FOXO1: variants seen among roughly 807,000 people sequenced by gnomAD.
The protein encoded by FOXO1 is forkhead box protein O1.
Under a neutral mutation model 44.1 loss-of-function variants are expected in FOXO1, and 6 were observed. The ratio of observed to expected loss-of-function variants is 0.14; its 90% CI spans 0.07 to 0.27. The LOEUF (loss-of-function observed/expected upper bound fraction) is 0.27. FOXO1 is among the 10% of genes least tolerant of loss of function. The pLI is 1.00. For synonymous variants in FOXO1, 380 were observed against 362.7 expected (o/e 1.05, Z -0.54); for missense variants, 737 against 888.8 (o/e 0.83, Z 2.17).
rs2137950799 is a variant in FOXO1 at position 40,666,010 on chromosome 13, G to A, written c.203C>T (p.Ala68Val). ...CAAGCTCAGGTTGCTCATGAAGTCG[G>A]CGCTGACAGCGGCAGCCGAGGCCGA... ...LPSASAAAVS[A>V]DFMSNLSLLE... The change falls in exon 1 of 3, where the codon GCC (alanine) becomes GTC (valine). Residue 68 changes from alanine (A) to valine (V), a missense_variant. Physicochemically the swap from Ala to Val is moderately conservative, Grantham distance 64 (BLOSUM62 0). This residue lies in a region of FOXO1 where 213 missense variants were observed against 236.4 expected (regional missense o/e 0.90). Coordinates refer to ENST00000379561, the MANE Select transcript of FOXO1 (RefSeq NM_002015.4). 2 of 1,270,522 alleles carry A rather than the reference G, an allele frequency of 1.6e-6. No homozygotes were observed. Among genetic ancestry groups the A allele is most frequent in the Admixed American group, 4.2e-5 (1 of 23,600 alleles). The allele number at this position is 1,270,522 out of a possible 1,614,324, so 78.7% of individuals were successfully genotyped here. A position where few individuals can be genotyped will look rare whatever the true frequency, so the allele number is the denominator to read the frequency against.
chr13:40,647,063 T>C (rs1877534608), intron 1 of FOXO1, among the ~76,000 whole-genome samples: 1 of 152,222 alleles, frequency 6.6e-6, no homozygotes. Flanking sequence ...AGCTGTCCTT[T>C]TGTAAAAGAA....
chr13:40,648,668 G>C (rs1338560547), intron 1 of FOXO1, among the ~76,000 whole-genome samples: 1 of 152,072 alleles, frequency 6.6e-6, no homozygotes, highest in East Asian at 1.9e-4. Flanking sequence ...ACAAAACAAG[G>C]GAATTCCACC....
At chr13:40,570,316 AAAAAT>A (rs1336895449) in intron 1 of FOXO1, among the ~76,000 whole-genome samples, 1 of 151,964 alleles carries the variant, frequency 6.6e-6, no homozygotes, top group African/African-American at 2.4e-5. Context: ...CTCCAAAAAA[AAAAAT>A]AAAATAAAAT....
intron 1 of FOXO1, among the ~76,000 whole-genome samples, chr13:40,630,058 T>C (rs949375716): frequency 7.9e-5 from 12 of 152,174 alleles, no homozygotes; most frequent in African/African-American, 2.9e-4. Flanking sequence ...TTCAAAAAAA[T>C]TGATAGTATT....
intron 1 of FOXO1, among the ~76,000 whole-genome samples, chr13:40,598,902 C>T (rs1180405245): frequency 6.6e-6 from 1 of 152,158 alleles, no homozygotes; most frequent in Admixed American, 6.5e-5. Flanking sequence ...GAAAGTCTTC[C>T]TTAGTCATAT....
intron 1 of FOXO1, among the ~76,000 whole-genome samples, chr13:40,642,021 C>T (rs966825344): frequency 6.6e-6 from 1 of 152,118 alleles, no homozygotes; most frequent in Non-Finnish European, 1.5e-5. Flanking sequence ...ACATTGGCAT[C>T]TTGAGTCCAT....
chr13:40,576,459 G>A (rs113542672), intron 1 of FOXO1, among the ~76,000 whole-genome samples: 1,796 of 152,270 alleles, frequency 0.012, 45 homozygotes, highest in African/African-American at 0.04. Context: ...ATCCACAAAT[G>A]TAACTGTGAG....
At chr13:40,575,558 A>T (rs1463733217) in intron 1 of FOXO1, among the ~76,000 whole-genome samples, 2 of 152,216 alleles carry the variant, frequency 1.3e-5, no homozygotes, top group African/African-American at 4.8e-5. Context: ...GGCCTACCTA[A>T]TGTAAAGTAT....
chr13:40,624,409 G>C (rs1442939487), intron 1 of FOXO1, among the ~76,000 whole-genome samples: 2 of 148,110 alleles, frequency 1.4e-5, no homozygotes, highest in African/African-American at 5.0e-5. Context: ...AACTTACCCA[G>C]AAATTGCAGC....
At chr13:40,612,400 C>T (rs991080652) in intron 1 of FOXO1, among the ~76,000 whole-genome samples, 1 of 152,202 alleles carries the variant, frequency 6.6e-6, no homozygotes, top group Non-Finnish European at 1.5e-5. Flanking sequence ...AAAAATGTTA[C>T]AGGGTCTCCA....
intron 1 of FOXO1, among the ~76,000 whole-genome samples, chr13:40,600,401 CACAT>C (rs1306082154): frequency 6.6e-6 from 1 of 152,128 alleles, no homozygotes; most frequent in African/African-American, 2.4e-5. Context: ...GGGGGGCACT[CACAT>C]AGATTAGTAA....
chr13:40,596,398 T>C lies in FOXO1; in HGVS notation c.631-35538A>G, dbSNP rs180936016. ...GTGAAGATGTAAGCTTTCTGAAGAC[T>C]ACCTTGCATACAGCCTTTGTGGGCT... On this transcript the variant is annotated intron_variant, in intron 1 of 2. Coordinates refer to ENST00000379561, the MANE Select transcript of FOXO1 (RefSeq NM_002015.4). Among the ~76,000 whole-genome samples the C allele has an allele frequency of 1.3e-3, 201 of 152,350 alleles. 2 individuals are homozygous for C. The highest frequency in any genetic ancestry group is 4.6e-3 in the African/African-American group (193 of 41,592).
chr13:40,655,927 G>A (rs1480840075), intron 1 of FOXO1, among the ~76,000 whole-genome samples: 7 of 152,062 alleles, frequency 4.6e-5, no homozygotes, highest in South Asian at 2.1e-4. Flanking sequence ...GTGAGCCACC[G>A]CGCCCGGACA....
intron 1 of FOXO1, among the ~76,000 whole-genome samples, chr13:40,624,342 T>C (rs1344648488): frequency 2.0e-5 from 2 of 97,906 alleles, no homozygotes; most frequent in Non-Finnish European, 4.4e-5. Context: ...AAAAAAAAGA[T>C]CACTCAGGAC....
At chr13:40,665,547 G>GC in intron 1 of FOXO1, 36 bp downstream of exon 1, 1 of 1,346,708 alleles carries the variant, frequency 7.4e-7, no homozygotes, top group Non-Finnish European at 9.7e-7. Context: ...GACCCACCGC[G>GC]CCCCCAAGGT....
intron 1 of FOXO1, among the ~76,000 whole-genome samples, chr13:40,562,366 CA>C (rs1874066567): frequency 6.6e-6 from 1 of 152,132 alleles, no homozygotes; most frequent in Non-Finnish European, 1.5e-5. Flanking sequence ...GAAGAAAAAC[CA>C]ACAATCTTTC....
chr13:40,626,627 A>T (rs1876793889), intron 1 of FOXO1, among the ~76,000 whole-genome samples: 1 of 152,214 alleles, frequency 6.6e-6, no homozygotes, highest in Admixed American at 6.5e-5. Context: ...CAAAGTTGGT[A>T]AGTTCCACCA....
rs1052228146 is a variant in FOXO1, at chr13:40,558,697, T to C, written c.*352A>G. 1 of 397,442 alleles carries C rather than the reference T, an allele frequency of 2.5e-6. No individual in the cohort carries two copies. Among genetic ancestry groups the C allele is most frequent in the African/African-American group, 2.1e-5 (1 of 48,612 alleles). 24.6% of individuals were successfully genotyped at this position (397,442 alleles called of 1,614,324 possible). A position where few individuals can be genotyped will look rare whatever the true frequency, so the allele number is the denominator to read the frequency against. ...AAACCAAAAACACACACAAATACAA[T>C]CTGTATCTACTGCTTATATACAAAA... On this transcript the variant is annotated 3_prime_UTR_variant, in exon 3 of 3. Coordinates refer to ENST00000379561, the MANE Select transcript of FOXO1 (RefSeq NM_002015.4).
chr13:40,639,575 C>T lies in FOXO1; in HGVS notation c.630+26008G>A, dbSNP rs149004974. On this transcript the variant is annotated intron_variant, in intron 1 of 2. Transcript: ENST00000379561. ...AGCAGGGAGGGTTTCACAACTTCAGCACTACTGACACACATAGTGGCCAGC... is the reference window on the plus strand; with the variant it reads ...AGCAGGGAGGGTTTCACAACTTCAGTACTACTGACACACATAGTGGCCAGC... Among the ~76,000 whole-genome samples the T allele has an allele frequency of 5.3e-5, 8 of 152,326 alleles. No individual in the cohort carries two copies. In the East Asian group the frequency reaches 1.5e-3, roughly 29 times the overall value.
Sources: allele counts gnomAD v4.1 joint callset (sites outside exome capture counted in the v4.1 genomes callset), GRCh38; gene constraint gnomAD v4.1.1; regional missense constraint gnomAD v4.1.1; transcripts MANE v1.5; gene names NCBI Gene and HGNC (gene_info 2026-07-23, HGNC 2026-07-21).